The following SGCD variants were observed in gnomAD, a reference collection of about 807,000 sequenced individuals.
SGCD encodes the protein delta-sarcoglycan.
Under a neutral mutation model 36.6 loss-of-function variants are expected in SGCD, and 18 were observed. The observed-to-expected ratio is 0.49, with a 90% CI of 0.34 to 0.73. The LOEUF (loss-of-function observed/expected upper bound fraction) is 0.73, where lower values mean the gene tolerates loss of function less well. Ranked by LOEUF, SGCD falls within the 30% of genes least tolerant of loss-of-function variation. The pLI is 0.01. For synonymous variants in SGCD, 133 were observed against 130.6 expected, an observed-to-expected ratio of 1.02 and a Z score of -0.12; for missense variants, 387 against 346.7, an observed-to-expected ratio of 1.12 and a Z score of -0.92.
intron 6 of SGCD, among the ~76,000 whole-genome samples, chr5:156,604,763 A>T (rs1761352179): frequency 6.7e-6 from 1 of 148,604 alleles, no homozygotes; most frequent in African/African-American, 2.4e-5. Flanking sequence ...TTTTATATGT[A>T]TATATACATA....
upstream of SGCD, among the ~76,000 whole-genome samples, chr5:156,325,610 G>T (rs1221551964): frequency 6.6e-6 from 1 of 152,190 alleles, no homozygotes; most frequent in African/African-American, 2.4e-5. Context: ...AAATTATGCT[G>T]CAGTAGAGAA....
intron 3 of SGCD, among the ~76,000 whole-genome samples, chr5:156,345,358 G>A (rs1429839701): frequency 1.3e-5 from 2 of 152,030 alleles, no homozygotes; most frequent in Non-Finnish European, 2.9e-5. Context: ...AGAAAATCCT[G>A]AAAAATGACT....
intron 3 of SGCD, among the ~76,000 whole-genome samples, chr5:156,244,539 A>G (rs1160612631): frequency 6.6e-6 from 1 of 152,176 alleles, no homozygotes; most frequent in Non-Finnish European, 1.5e-5. Context: ...GTGTTTTAGT[A>G]TTGAATGGTT....
chr5:155,791,441 G>C, the SGCD span, among the ~76,000 whole-genome samples: 1 of 152,052 alleles, frequency 6.6e-6, no homozygotes, highest in Non-Finnish European at 1.5e-5. Flanking sequence ...GAAATAAAAG[G>C]CATCCAAGTA....
intron 7 of SGCD, among the ~76,000 whole-genome samples, chr5:156,748,357 G>A (rs951821961): frequency 2.0e-5 from 3 of 152,102 alleles, no homozygotes; most frequent in Non-Finnish European, 4.4e-5. Flanking sequence ...CTGTATATAA[G>A]TTCTACCTCA....
intron 6 of SGCD, among the ~76,000 whole-genome samples, chr5:156,600,907 A>G (rs924028905): frequency 6.6e-6 from 1 of 152,178 alleles, no homozygotes; most frequent in Non-Finnish European, 1.5e-5. Context: ...ATTTATATTT[A>G]AATGGTTAAT....
intron 4 of SGCD, among the ~76,000 whole-genome samples, chr5:156,573,740 C>G (rs1054558377): frequency 6.6e-6 from 1 of 152,150 alleles, no homozygotes; most frequent in Non-Finnish European, 1.5e-5. Flanking sequence ...ATCACCCAGT[C>G]TGGAGTACAG....
At chr5:155,793,546 CT>C in the SGCD span, among the ~76,000 whole-genome samples, 64 of 139,400 alleles carry the variant, frequency 4.6e-4, no homozygotes, top group Admixed American at 5.7e-4. Context: ...GTTTTTTTTT[CT>C]TTTTTTTTTT....
intron 3 of SGCD, among the ~76,000 whole-genome samples, chr5:156,501,526 A>G (rs576105320): frequency 1.2e-3 from 187 of 152,354 alleles, no homozygotes; most frequent in Non-Finnish European, 1.9e-3. Context: ...AATCTGGGCC[A>G]GATAAAGAAT....
intron 7 of SGCD, among the ~76,000 whole-genome samples, chr5:156,662,961 A>G (rs372085332): frequency 1.4e-5 from 2 of 147,148 alleles, no homozygotes; most frequent in African/African-American, 2.6e-5. Context: ...CTCTACAGTG[A>G]CCGCCCCTAA....
At chr5:156,237,798 A>G (rs868105446) in intron 3 of SGCD, among the ~76,000 whole-genome samples, 6 of 152,304 alleles carry the variant, frequency 3.9e-5, no homozygotes, top group Middle Eastern at 3.4e-3. Context: ...TCATTCGGTA[A>G]ATATTATTGA....
chr5:155,794,773 G>T, the SGCD span, among the ~76,000 whole-genome samples: 2 of 152,134 alleles, frequency 1.3e-5, no homozygotes, highest in Admixed American at 1.3e-4. Context: ...AGGTCTAATG[G>T]CTATGAATGA....
chr5:156,582,267 T>G (rs1255046950), intron 4 of SGCD, among the ~76,000 whole-genome samples: 1 of 152,198 alleles, frequency 6.6e-6, no homozygotes, highest in Non-Finnish European at 1.5e-5. Context: ...CTTTCCAGCC[T>G]ATCTCTGATC....
At chr5:155,813,634 G>A in the SGCD span, among the ~76,000 whole-genome samples, 1 of 152,142 alleles carries the variant, frequency 6.6e-6, no homozygotes, top group Non-Finnish European at 1.5e-5. Flanking sequence ...TCTTCTGAAG[G>A]TTTATGTAGG....
In SGCD at chr5:156,633,683, T is replaced by C. The variant is rs142764555; in HGVS notation, c.503-13781T>C. On this transcript the variant is annotated intron_variant, in intron 6 of 8. Transcript: ENST00000337851. ...ACTCAATACATGTCAGCAGTTGATA[T>C]GACTTTTATTACCTAAATCTGGCTC... Among the ~76,000 whole-genome samples, 416 of 152,330 alleles carry C rather than the reference T, an allele frequency of 2.7e-3. 1 individual carries two copies. Among genetic ancestry groups the C allele is most frequent in the African/African-American group, 9.3e-3 (388 of 41,580 alleles).
intron 4 of SGCD, among the ~76,000 whole-genome samples, chr5:156,587,926 G>A (rs1290055346): frequency 6.6e-6 from 1 of 150,918 alleles, no homozygotes; most frequent in Non-Finnish European, 1.5e-5. Context: ...AGACTTAGAA[G>A]GTAAAGACTG....
At chr5:156,133,338 G>A (rs1762372641) in intron 3 of SGCD, among the ~76,000 whole-genome samples, 1 of 152,106 alleles carries the variant, frequency 6.6e-6, no homozygotes, top group Non-Finnish European at 1.5e-5. Context: ...TCTTCAATGA[G>A]ACCTTGAAAT....
intron 6 of SGCD, among the ~76,000 whole-genome samples, chr5:156,606,423 G>C (rs1293187331): frequency 6.6e-6 from 1 of 152,208 alleles, no homozygotes; most frequent in African/African-American, 2.4e-5. Context: ...TTTGGTACCA[G>C]TACCATGCTG....
Position 156,764,814 on chromosome 5 carries a change from C to T in SGCD, c.*5424C>T, listed in dbSNP as rs1757559002. On this transcript the variant is annotated 3_prime_UTR_variant, in exon 9 of 9. Transcript: ENST00000337851. ...AATCCATCAATAAACAGTCTCAAACCTTCCAACAACAGTGCTCACTGCTGC... is the reference window on the plus strand; with the variant it reads ...AATCCATCAATAAACAGTCTCAAACTTTCCAACAACAGTGCTCACTGCTGC... 1 of 152,178 alleles carries T rather than the reference C, an allele frequency of 6.6e-6. No individual in the cohort carries two copies. The highest frequency in any genetic ancestry group is 2.4e-5 in the African/African-American group (1 of 41,436). The allele number at this position is 152,178 out of a possible 1,614,324, so 9.4% of individuals were successfully genotyped here.
Sources: allele counts gnomAD v4.1 joint callset (sites outside exome capture counted in the v4.1 genomes callset), GRCh38; gene constraint gnomAD v4.1.1; transcripts MANE v1.5; gene names NCBI Gene and HGNC (gene_info 2026-07-23, HGNC 2026-07-21).